Variants in ARHGEF11 observed in about 807,000 individuals in gnomAD.
ARHGEF11 encodes Rho guanine exchange factor (GEF) 11.
In ARHGEF11, 55 loss-of-function variants were observed where a neutral mutation model predicts 193.7. The observed-to-expected ratio is 0.28, with a 90% CI of 0.23 to 0.36. ARHGEF11 has a LOEUF of 0.36. Ranked by LOEUF, ARHGEF11 falls within the 10% of genes least tolerant of loss-of-function variation. The pLI is 1.00. For synonymous variants in ARHGEF11, 693 were observed against 768.0 expected (o/e 0.90, Z 1.62); for missense variants, 1,723 against 2,005.6 (o/e 0.86, Z 2.69).
At chr1:156,994,139 A>G (rs979193648) in intron 1 of ARHGEF11, among the ~76,000 whole-genome samples, 9 of 152,176 alleles carry the variant, frequency 5.9e-5, no homozygotes, top group Non-Finnish European at 1.2e-4. Context: ...ACACATATTG[A>G]TATCATCTGT....
chr1:156,946,211 G>A, intron 28 of ARHGEF11, 49 bp from the exon 29 acceptor site: 1 of 1,537,448 alleles, frequency 6.5e-7, no homozygotes. Flanking sequence ...GTGGCTGGGA[G>A]CTGGCTTATG....
At chr1:156,954,217 T>C (rs767894079) in intron 21 of ARHGEF11, among the ~76,000 whole-genome samples, 8 of 151,672 alleles carry the variant, frequency 5.3e-5, no homozygotes, top group Non-Finnish European at 1.2e-4. Flanking sequence ...CCATCTCTAC[T>C]AAAAATACAA....
chr1:157,008,406 GCACA>G (rs60934928), intron 1 of ARHGEF11, among the ~76,000 whole-genome samples: 84,618 of 148,970 alleles, frequency 0.57, 24,387 homozygotes, highest in Middle Eastern at 0.72. Context: ...TTGCACGCAC[GCACA>G]CACACACACA....
chr1:157,020,539 A>C (rs1669843553), intron 1 of ARHGEF11, among the ~76,000 whole-genome samples: 1 of 152,234 alleles, frequency 6.6e-6, no homozygotes, highest in Admixed American at 6.5e-5. Flanking sequence ...CAATATGTAC[A>C]TACAGTCTTG....
chr1:156,944,094 C>T lies in ARHGEF11; in HGVS notation c.3076G>A (p.Val1026Met), dbSNP rs1280099053. The change falls in exon 32 of 41, where the codon GTG becomes ATG. Residue 1026 changes from valine (V) to methionine (M), a missense_variant. By Grantham distance (21) the Val-to-Met change is conservative. This residue lies in a region of ARHGEF11 where 491 missense variants were observed against 654.5 expected (regional missense o/e 0.75). Transcript: ENST00000368194. ...ISKDKTLDLH[V>M]LLLEDLLVLL... ...ACTAGGAGGTCCTCCAGCAGCAGCA[C>T]GTGGAGGTCTGGAGGGGTATGGTCA... The T allele has an allele frequency of 6.8e-6, 11 of 1,613,500 alleles. No homozygotes were observed. The highest frequency in any genetic ancestry group is 2.7e-5 in the African/African-American group (2 of 75,018).
chr1:156,975,592 C>T (rs1450418175), intron 7 of ARHGEF11, among the ~76,000 whole-genome samples: 1 of 152,076 alleles, frequency 6.6e-6, no homozygotes. Context: ...GGAGGTTATG[C>T]TTTTGGTGTC....
chr1:156,954,903 G>T lies in ARHGEF11; in HGVS notation c.1787C>A (p.Ser596Tyr), dbSNP rs1226759700. ...SSQSTFHIPL[S>Y]PVEVKPGNVR... ...AATGGTCCTTTTACCTTCCACAGGG[G>T]ACAAGGGAATATGAAATGCTAAAAG... Residue 596 changes from serine to tyrosine, a missense_variant, in exon 21 of 41, where the codon TCC becomes TAC. Physicochemically the swap from Ser to Tyr is moderately radical, Grantham distance 144. Transcript: ENST00000368194. The T allele has an allele frequency of 6.2e-7, 1 of 1,609,228 alleles. No individual in the cohort carries two copies. Among genetic ancestry groups the T allele is most frequent in the Non-Finnish European group, 8.5e-7 (1 of 1,178,336 alleles).
intron 4 of ARHGEF11, among the ~76,000 whole-genome samples, 197 bp downstream of exon 4, chr1:156,980,240 T>C (rs1418354344): frequency 6.6e-6 from 1 of 152,222 alleles, no homozygotes; most frequent in Non-Finnish European, 1.5e-5. Context: ...AGGCCTAAAA[T>C]GTAGAACACA....
Position 156,944,353 on chromosome 1 carries a change from C to T in ARHGEF11, c.3067+5G>A. The T allele has an allele frequency of 9.3e-6, 15 of 1,614,134 alleles. No homozygotes were observed. Among genetic ancestry groups the T allele is most frequent in the Non-Finnish European group, 1.3e-5 (15 of 1,179,998 alleles). ...CCTGCTCAGTCCCAGTCCCCTGGCA[C>T]ATACCCAAGGTCTTATCCTTGCTGA... On this transcript the variant is annotated splice_donor_5th_base_variant and intron_variant, in intron 31 of 40. Coordinates refer to ENST00000368194, the MANE Select transcript of ARHGEF11 (RefSeq NM_198236.3).
upstream of ARHGEF11, among the ~76,000 whole-genome samples, chr1:157,046,001 C>T (rs992000406): frequency 6.6e-6 from 1 of 150,874 alleles, no homozygotes; most frequent in African/African-American, 2.4e-5. Flanking sequence ...GCCTCGGTTC[C>T]CGCGGCCGCG....
intron 21 of ARHGEF11, among the ~76,000 whole-genome samples, chr1:156,954,178 G>A (rs1294353841): frequency 6.6e-5 from 10 of 151,864 alleles, no homozygotes; most frequent in Admixed American, 5.2e-4. Context: ...TCAGGAGTTC[G>A]AGACCAGCCT....
rs775562486 is a variant in ARHGEF11 at position 156,956,424 on chromosome 1, T to C, written c.1667A>G (p.Lys556Arg). The C allele has an allele frequency of 8.7e-6, 14 of 1,614,000 alleles. No homozygotes were observed. Among genetic ancestry groups the C allele is most frequent in the Admixed American group, 1.7e-5 (1 of 59,998 alleles). ...DKWLPFFPKT[K>R]KSSNSKKEKD... ...GCCACCATGCCCGGCCCTCACCTTC[T>C]TGGTCTTAGGGAAGAACGGTAGCCA... is the stretch of plus-strand genomic sequence containing the variant. Residue 556 changes from lysine (K) to arginine (R), a missense_variant, in exon 19 of 41, where the codon AAG becomes AGG. This residue lies in a region of ARHGEF11 where 491 missense variants were observed against 654.5 expected (regional missense o/e 0.75). Transcript: ENST00000368194.
chr1:157,032,765 G>A (rs557022732), intron 1 of ARHGEF11, among the ~76,000 whole-genome samples: 11 of 152,126 alleles, frequency 7.2e-5, no homozygotes, highest in South Asian at 2.1e-4. Flanking sequence ...CAGAAACCAC[G>A]CACGGAGGCC....
In ARHGEF11 at chr1:157,030,801, G is replaced by A. The variant is rs150280331; in HGVS notation, c.32+13498C>T. Among the ~76,000 whole-genome samples, 478 of 152,110 alleles carry A rather than the reference G, an allele frequency of 3.1e-3. 3 individuals carry two copies. Among genetic ancestry groups the A allele is most frequent in the African/African-American group, 0.011 (464 of 41,432 alleles). ...AAATGGGAATGAAAATCCTTGCCCT[G>A]GACCACCTCAATGAGATAATGGACA... is the stretch of plus-strand genomic sequence containing the variant. On this transcript the variant is annotated intron_variant, in intron 1 of 40. Transcript: ENST00000368194.
chr1:156,941,881 C>G lies in ARHGEF11; in HGVS notation c.3435G>C (p.Gln1145His), dbSNP rs1215451616. 6.2e-7 allele frequency: 1 copy of G among 1,611,668 alleles called. No homozygotes were observed. Among genetic ancestry groups the G allele is most frequent in the South Asian group, 1.1e-5 (1 of 90,640 alleles). Reference sequence around the variant, plus strand: ...CACTGCACCTGCTGGGTGTGGGGCCCTGCTGGGCTGGCTCCCGGGGACCTG... The same window carrying G: ...CACTGCACCTGCTGGGTGTGGGGCCGTGCTGGGCTGGCTCCCGGGGACCTG... ...PPPGPREPAQQGPTPSRVELD... is the reference protein window; with the variant it reads ...PPPGPREPAQHGPTPSRVELD... The change falls in exon 34 of 41, where the codon CAG (glutamine) becomes CAC (histidine). Residue 1145 changes from glutamine to histidine, a missense_variant. Around this residue, in one of 5 missense-constraint regions of ARHGEF11, gnomAD observed 203 missense variants for 237.3 expected, o/e 0.86. Transcript: ENST00000368194.
intron 1 of ARHGEF11, among the ~76,000 whole-genome samples, chr1:157,016,798 A>ATTATTTAT (rs148884718): frequency 3.3e-4 from 49 of 149,336 alleles, no homozygotes; most frequent in African/African-American, 1.1e-3. Context: ...TAGAGTTTTT[A>ATTATTTAT]TTATTTATTT....
intron 32 of ARHGEF11, among the ~76,000 whole-genome samples, chr1:156,943,547 G>C (rs995203192): frequency 1.3e-5 from 2 of 152,130 alleles, no homozygotes; most frequent in African/African-American, 4.8e-5. Flanking sequence ...CTGTACCGTG[G>C]GTACTAACAT....
Position 156,991,710 on chromosome 1 carries a change from ATTT to A in ARHGEF11, c.33-5540_33-5538del, listed in dbSNP as rs57140356. Among the ~76,000 whole-genome samples, 4 of 83,962 alleles carry A rather than the reference ATTT, an allele frequency of 4.8e-5. No homozygotes were observed. In the Admixed American group the frequency reaches 4.8e-4, roughly 10 times the overall value. The allele number at this position is 83,962 out of a possible 152,430, so 55.1% of individuals were successfully genotyped here. On this transcript the variant is annotated intron_variant, in intron 1 of 40. Coordinates refer to ENST00000368194, the MANE Select transcript of ARHGEF11 (RefSeq NM_198236.3). Reference sequence around the variant, plus strand: ...TTAGGGTTTTCTTTTTTTCAAGCTTATTTTTTTTTTTTTTTTTTTTTTTTGAGA... The same window carrying A: ...TTAGGGTTTTCTTTTTTTCAAGCTTATTTTTTTTTTTTTTTTTTTTTGAGA...
intron 8 of ARHGEF11, among the ~76,000 whole-genome samples, chr1:156,970,458 G>T (rs1322895039): frequency 6.6e-6 from 1 of 152,210 alleles, no homozygotes; most frequent in Non-Finnish European, 1.5e-5. Context: ...CTGAGCTAGT[G>T]GGATGTGAAG....
Sources: gnomAD v4.1 joint callset for allele counts (sites outside exome capture counted in the v4.1 genomes callset) on GRCh38, gnomAD v4.1.1 for gene constraint, gnomAD v4.1.1 regional missense constraint, MANE v1.5 for transcripts, NCBI Gene and HGNC (gene_info 2026-07-23, HGNC 2026-07-21) for gene names.